RAPGEF2: variants seen among roughly 807,000 people sequenced by gnomAD.
RAPGEF2 encodes Rap guanine nucleotide exchange factor 2.
RAPGEF2 carries 54 observed loss-of-function variants against 186.7 expected under a neutral mutation model. The observed-to-expected ratio is 0.29, with a 90% CI of 0.23 to 0.36. The LOEUF (loss-of-function observed/expected upper bound fraction) is 0.36. RAPGEF2 is among the 10% of genes least tolerant of loss of function. RAPGEF2 has a pLI of 1.00. For synonymous variants in RAPGEF2, 712 were observed against 705.9 expected (o/e 1.01, Z -0.14); for missense variants, 1,532 against 2,045.0 (o/e 0.75, Z 4.84).
chr4:159,291,585 CATGCCTGACCAGACA>C (rs1273573892), intron 7 of RAPGEF2, among the ~76,000 whole-genome samples: 1 of 152,202 alleles, frequency 6.6e-6, no homozygotes, highest in Non-Finnish European at 1.5e-5. Context: ...CATGAGCCAC[CATGCCTGACCAGACA>C]ATTTGCTTAT....
intron 3 of RAPGEF2, among the ~76,000 whole-genome samples, chr4:159,198,395 C>T (rs1749038414): frequency 8.2e-6 from 1 of 122,358 alleles, no homozygotes; most frequent in Non-Finnish European, 1.6e-5. Context: ...TTCCTTCCTT[C>T]CTCTCTCTTC....
chr4:159,146,141 C>T (rs947494401), intron 1 of RAPGEF2, among the ~76,000 whole-genome samples: 1 of 151,868 alleles, frequency 6.6e-6, no homozygotes, highest in Non-Finnish European at 1.5e-5. Context: ...TTCTGATAAA[C>T]TATGAGGTCA....
chr4:159,250,795 G>A (rs374041140), intron 7 of RAPGEF2, among the ~76,000 whole-genome samples: 5 of 150,648 alleles, frequency 3.3e-5, no homozygotes, highest in Non-Finnish European at 7.4e-5. Context: ...TGCTCTCGGC[G>A]CCTCGGCCTC....
At chr4:159,265,061 A>G (rs1757279506) in intron 7 of RAPGEF2, among the ~76,000 whole-genome samples, 2 of 152,206 alleles carry the variant, frequency 1.3e-5, no homozygotes, top group African/African-American at 4.8e-5. Flanking sequence ...GTCGTTAGTT[A>G]TATCTATTAC....
chr4:159,243,113 G>GTT (rs60305770), intron 6 of RAPGEF2, among the ~76,000 whole-genome samples: 1 of 144,648 alleles, frequency 6.9e-6, no homozygotes, highest in Admixed American at 7.0e-5. Flanking sequence ...ATTGTTACAA[G>GTT]TTTTTTTTTT....
At chr4:159,323,376 T>C in intron 10 of RAPGEF2, 83 bp from the exon 11 acceptor site, 1 of 1,170,724 alleles carries the variant, frequency 8.5e-7, no homozygotes, top group Non-Finnish European at 1.2e-6. Context: ...GATCTGCTAA[T>C]TCATTTTTAG....
intron 7 of RAPGEF2, among the ~76,000 whole-genome samples, chr4:159,258,011 A>G (rs1277435290): frequency 1.3e-5 from 2 of 152,170 alleles, no homozygotes; most frequent in East Asian, 3.8e-4. Context: ...ATAATATGAA[A>G]TGCTACTTTA....
intron 8 of RAPGEF2, among the ~76,000 whole-genome samples, chr4:159,308,625 A>C (rs541228491): frequency 6.6e-6 from 1 of 152,228 alleles, no homozygotes; most frequent in Non-Finnish European, 1.5e-5. Context: ...AAATGCTCAC[A>C]AGATGGACAC....
At chr4:159,184,451 G>T (rs1450592836) in intron 1 of RAPGEF2, among the ~76,000 whole-genome samples, 1 of 152,236 alleles carries the variant, frequency 6.6e-6, no homozygotes, top group Non-Finnish European at 1.5e-5. Context: ...GTGTGAGATG[G>T]TATCTCATTG....
At chr4:159,265,601 C>T (rs1344650725) in intron 7 of RAPGEF2, among the ~76,000 whole-genome samples, 1 of 152,044 alleles carries the variant, frequency 6.6e-6, no homozygotes, top group Non-Finnish European at 1.5e-5. Context: ...GGTCTTTATG[C>T]CAGGAGCAGT....
chr4:159,240,809 T>G (rs1456988398), intron 5 of RAPGEF2, among the ~76,000 whole-genome samples: 1 of 120,548 alleles, frequency 8.3e-6, no homozygotes, highest in Non-Finnish European at 1.6e-5. Context: ...CCATCAGGGT[T>G]TTTTTTTTTT....
chr4:159,107,634 CT>C (rs1377275184), intron 1 of RAPGEF2, among the ~76,000 whole-genome samples: 1 of 152,046 alleles, frequency 6.6e-6, no homozygotes, highest in East Asian at 1.9e-4. Flanking sequence ...GCTATTACAA[CT>C]TTTGATATAA....
intron 7 of RAPGEF2, among the ~76,000 whole-genome samples, chr4:159,271,411 CTACTTAAA>C (rs1172484656): frequency 6.6e-6 from 1 of 152,004 alleles, no homozygotes; most frequent in Non-Finnish European, 1.5e-5. Flanking sequence ...AGAAAGTGCC[CTACTTAAA>C]TATAGGGAAT....
chr4:159,246,047 A>C (rs1011742142), intron 7 of RAPGEF2, among the ~76,000 whole-genome samples: 1 of 152,160 alleles, frequency 6.6e-6, no homozygotes, highest in Non-Finnish European at 1.5e-5. Context: ...AGTGTAAATA[A>C]AACATACTTA....
At chr4:159,327,437 G>A (rs910742820) in intron 11 of RAPGEF2, 1 of 151,564 alleles carries the variant, frequency 6.6e-6, no homozygotes, top group African/African-American at 2.4e-5. Context: ...GCCGAGGCAG[G>A]CGGATCATGA....
chr4:159,349,728 G>A (rs1341257606), intron 25 of RAPGEF2, among the ~76,000 whole-genome samples: 1 of 152,152 alleles, frequency 6.6e-6, no homozygotes, highest in East Asian at 1.9e-4. Flanking sequence ...ATACAAAACA[G>A]TTTCCAACTC....
intron 7 of RAPGEF2, among the ~76,000 whole-genome samples, chr4:159,255,416 C>T (rs967797663): frequency 1.3e-5 from 2 of 148,678 alleles, no homozygotes; most frequent in Admixed American, 1.3e-4. Flanking sequence ...TCTCCTTGTT[C>T]TTATATTAAG....
intron 7 of RAPGEF2, among the ~76,000 whole-genome samples, chr4:159,288,729 G>A (rs950573861): frequency 2.0e-5 from 3 of 151,950 alleles, no homozygotes; most frequent in East Asian, 1.9e-4. Flanking sequence ...CCTCAGAACC[G>A]TCAGATTCTG....
chr4:159,292,014 T>A (rs1428298844), intron 7 of RAPGEF2, among the ~76,000 whole-genome samples: 1 of 152,210 alleles, frequency 6.6e-6, no homozygotes, highest in African/African-American at 2.4e-5. Flanking sequence ...CCATAGTCTT[T>A]ATTTTGTATA....
Sources: gnomAD v4.1 joint callset for allele counts (sites outside exome capture counted in the v4.1 genomes callset) on GRCh38, gnomAD v4.1.1 for gene constraint, MANE v1.5 for transcripts, NCBI Gene and HGNC (gene_info 2026-07-23, HGNC 2026-07-21) for gene names.